The following MAP3K7CL variants were observed in gnomAD, a reference collection of about 807,000 sequenced individuals.
MAP3K7CL encodes MAP3K7 C-terminal like.
A neutral mutation model predicts 18.6 loss-of-function variants in MAP3K7CL; 16 were observed. That is an observed-to-expected ratio of 0.86 (90% CI 0.58 to 1.31). The LOEUF is 1.31. Ranked by LOEUF, MAP3K7CL falls within the 50% of genes most tolerant of loss-of-function variation. The pLI, the probability that MAP3K7CL is intolerant of heterozygous loss-of-function variation, is 0.00. For synonymous variants in MAP3K7CL, 65 were observed against 66.8 expected, an observed-to-expected ratio of 0.97 and a Z score of 0.13; for missense variants, 163 against 174.4, an observed-to-expected ratio of 0.93 and a Z score of 0.37.
At position 29,105,179 on chromosome 21, in the gene MAP3K7CL, G is replaced by A. The variant is rs185785032; in HGVS notation, c.370+12598G>A. Among the ~76,000 whole-genome samples, 13 of 152,200 alleles carry A rather than the reference G, an allele frequency of 8.5e-5. No individual in the cohort carries two copies. The East Asian group carries it at 2.3e-3, about 27-fold the overall frequency. On this transcript the variant is annotated intron_variant, in intron 4 of 6. Coordinates refer to the MAP3K7CL transcript ENST00000286791. ...GGCAATTCCTCATTTTTTGCTTTCC[G>A]TCTACAATGACCCCATCACTGGAAG...
intron 1 of MAP3K7CL, among the ~76,000 whole-genome samples, chr21:29,089,168 CAAAAAAAAAAAAAAAA>C (rs748166183): frequency 3.5e-4 from 24 of 68,530 alleles, no homozygotes; most frequent in South Asian, 7.3e-4. Context: ...GACTCCGTCT[CAAAAAAAAAAAAAAAA>C]AAAAAAAAAA....
chr21:29,092,354 A>C, intron 3 of MAP3K7CL: 1 of 1,523,812 alleles, frequency 6.6e-7, no homozygotes. Flanking sequence ...ATTTCTTCTC[A>C]GGGAAAAAAA....
intron 4 of MAP3K7CL, among the ~76,000 whole-genome samples, chr21:29,103,460 G>A (rs921602344): frequency 6.6e-6 from 1 of 152,120 alleles, no homozygotes; most frequent in African/African-American, 2.4e-5. Flanking sequence ...GTCAGACGCG[G>A]TGGCTCATGC....
At chr21:29,079,004 TCTG>T (rs890938209) in intron 1 of MAP3K7CL, among the ~76,000 whole-genome samples, 11 of 152,230 alleles carry the variant, frequency 7.2e-5, no homozygotes, top group Non-Finnish European at 1.6e-4. Flanking sequence ...AGGTCATTGT[TCTG>T]CTCATCAAAA....
intron 2 of MAP3K7CL, among the ~76,000 whole-genome samples, chr21:29,143,986 A>G (rs1309988043): frequency 1.3e-5 from 2 of 152,152 alleles, no homozygotes; most frequent in Admixed American, 6.5e-5. Context: ...ATGTAATATA[A>G]TGGCCACTCC....
chr21:29,166,375 A>G (rs1327264826), intron 4 of MAP3K7CL, among the ~76,000 whole-genome samples: 1 of 152,188 alleles, frequency 6.6e-6, no homozygotes, highest in Admixed American at 6.5e-5. Context: ...TCCATTGTAT[A>G]GATATATCAC....
At chr21:29,088,387 A>G (rs1317437292) in intron 1 of MAP3K7CL, among the ~76,000 whole-genome samples, 1 of 152,254 alleles carries the variant, frequency 6.6e-6, no homozygotes, top group African/African-American at 2.4e-5. Context: ...ACACAAGTTT[A>G]CAGATTGCAT....
chr21:29,109,361 A>G (rs1431287039), intron 4 of MAP3K7CL: 1 of 1,375,298 alleles, frequency 7.3e-7, no homozygotes, highest in African/African-American at 1.5e-5. Context: ...AGTAATAGAA[A>G]GATAGATCAA....
intron 2 of MAP3K7CL, among the ~76,000 whole-genome samples, chr21:29,142,757 C>T (rs2087036713): frequency 6.6e-6 from 1 of 152,224 alleles, no homozygotes; most frequent in Non-Finnish European, 1.5e-5. Context: ...TTGACATATA[C>T]ATTGCTTTAT....
At chr21:29,130,054 G>A (rs916193907), upstream of MAP3K7CL, among the ~76,000 whole-genome samples, 1 of 152,184 alleles carries the variant, frequency 6.6e-6, no homozygotes, top group African/African-American at 2.4e-5. Flanking sequence ...TTGGATGCCA[G>A]TCCATCATCT....
intron 4 of MAP3K7CL, among the ~76,000 whole-genome samples, chr21:29,117,019 C>A (rs954634674): frequency 1.3e-5 from 2 of 152,148 alleles, no homozygotes; most frequent in East Asian, 3.8e-4. Flanking sequence ...TTGTCATGCT[C>A]ACCTTGAGTA....
upstream of MAP3K7CL, chr21:29,128,022 A>G (rs1332802014): frequency 6.6e-6 from 1 of 152,210 alleles, no homozygotes; most frequent in African/African-American, 2.4e-5. Context: ...GAATTCAGCC[A>G]CTTCCAGTCA....
chr21:29,114,377 T>C (rs2086470278), intron 4 of MAP3K7CL, among the ~76,000 whole-genome samples: 1 of 149,052 alleles, frequency 6.7e-6, no homozygotes, highest in Non-Finnish European at 1.5e-5. Context: ...CCTTATTTTG[T>C]TTTTATATTT....
rs766150163 is a variant in MAP3K7CL, at chr21:29,149,168, C to A, written c.71-21C>A. The stretch of plus-strand genomic sequence containing the variant: ...AAGAAAGAGCTCCATAGTGAAGAAT[C>A]ATTTTATTTCCTTGTTTTAGATGAT... On this transcript the variant is annotated intron_variant, in intron 2 of 4. Transcript: ENST00000399928. 6.8e-6 allele frequency: 11 copies of A among 1,609,156 alleles called. No individual in the cohort carries two copies. The African/African-American group carries it at 1.5e-4, about 22-fold the overall frequency.
intron 4 of MAP3K7CL, among the ~76,000 whole-genome samples, chr21:29,116,003 G>T (rs962708319): frequency 1.3e-5 from 2 of 152,190 alleles, no homozygotes; most frequent in Non-Finnish European, 2.9e-5. Flanking sequence ...CCTTGGATTC[G>T]ATCTGTTCCG....
At chr21:29,101,051 A>G (rs2086220803) in intron 4 of MAP3K7CL, among the ~76,000 whole-genome samples, 1 of 149,250 alleles carries the variant, frequency 6.7e-6, no homozygotes, top group African/African-American at 2.5e-5. Flanking sequence ...TCACAGGAAG[A>G]TGGAGGTCTG....
At chr21:29,122,292 C>T (rs2086607491) in intron 4 of MAP3K7CL, 1 of 152,138 alleles carries the variant, frequency 6.6e-6, no homozygotes, top group Non-Finnish European at 1.5e-5. Flanking sequence ...GTGACAGCAT[C>T]TGGGGGGGTA....
chr21:29,147,770 G>C (rs1386665829), intron 2 of MAP3K7CL, among the ~76,000 whole-genome samples: 1 of 151,256 alleles, frequency 6.6e-6, no homozygotes, highest in African/African-American at 2.4e-5. Context: ...ATCTGTATGT[G>C]TACTGTATAT....
At chr21:29,079,509 A>C (rs901075965) in intron 1 of MAP3K7CL, among the ~76,000 whole-genome samples, 2 of 152,240 alleles carry the variant, frequency 1.3e-5, no homozygotes, top group Non-Finnish European at 2.9e-5. Flanking sequence ...ATATTCAAAC[A>C]TCCCAAGAGG....
Sources: allele counts gnomAD v4.1 joint callset (sites outside exome capture counted in the v4.1 genomes callset), GRCh38; gene constraint gnomAD v4.1.1; transcripts MANE v1.5; gene names NCBI Gene and HGNC (gene_info 2026-07-23, HGNC 2026-07-21).